Variants in APOB observed in about 807,000 individuals in gnomAD.
APOB encodes the protein apolipoprotein B.
Under a neutral mutation model 314.1 loss-of-function variants are expected in APOB, and 153 were observed. The ratio of observed to expected loss-of-function variants is 0.49; its 90% CI spans 0.43 to 0.56. The LOEUF is 0.56. Ranked by LOEUF, APOB falls within the 20% of genes least tolerant of loss-of-function variation. The pLI is 0.00. For synonymous variants in APOB, 2,087 were observed against 2,036.4 expected (o/e 1.02, Z -0.67); for missense variants, 5,430 against 5,350.7 (o/e 1.01, Z -0.46).
At chr2:21,041,554 A>G (rs923608544) in intron 3 of APOB, among the ~76,000 whole-genome samples, 1 of 152,232 alleles carries the variant, frequency 6.6e-6, no homozygotes, top group Non-Finnish European at 1.5e-5. Context: ...ATATAGCTGG[A>G]GTTTCAACGG....
chr2:21,019,660 A>G, intron 19 of APOB, 63 bp downstream of exon 19: 3 of 1,528,862 alleles, frequency 2.0e-6, no homozygotes, highest in Non-Finnish European at 1.8e-6. Flanking sequence ...TTCCTGTGCC[A>G]TGCTAGGTGG....
At position 21,007,530 on chromosome 2, in the gene APOB, G is replaced by C; in HGVS notation, c.9338C>G (p.Ala3113Gly). 6.2e-7 allele frequency: 1 copy of C among 1,614,016 alleles called. No individual in the cohort carries two copies. ...TGCTTCTCCATTTATTCCTACATGG[G>C]CCTCCATAATGTTCTCGTTGTTTCC... ...SAGNNENIMEAHVGINGEANL... is the reference protein window; with the variant it reads ...SAGNNENIMEGHVGINGEANL... Residue 3113 changes from alanine to glycine, a missense_variant, in exon 26 of 29, where the codon GCC (alanine) becomes GGC (glycine). Coordinates refer to ENST00000233242, the MANE Select transcript of APOB (RefSeq NM_000384.3).
intron 15 of APOB, among the ~76,000 whole-genome samples, chr2:21,025,478 G>A (rs116255207): frequency 1.2e-3 from 183 of 152,272 alleles, no homozygotes; most frequent in African/African-American, 4.3e-3. Flanking sequence ...TCTTTGACCA[G>A]TGAAGACTAC....
At position 21,001,936 on chromosome 2, in the gene APOB, T is replaced by C. The variant is rs781520074; in HGVS notation, c.13486A>G (p.Arg4496Gly). The change falls in exon 29 of 29, where the codon AGA becomes GGA. Residue 4496 changes from arginine (R) to glycine (G), a missense_variant. Arg to Gly is a moderately radical substitution (Grantham distance 125). Coordinates refer to ENST00000233242, the MANE Select transcript of APOB (RefSeq NM_000384.3). ...TCTGAAAAATCTTGCAGTTTATATC[T>C]AAACTGCTGGTGGTAATCAGAAATT... ...KIISDYHQQF[R>G]YKLQDFSDQL... is the part of the protein sequence containing the mutation. The C allele has an allele frequency of 1.2e-6, 2 of 1,614,068 alleles. No individual in the cohort carries two copies. Among genetic ancestry groups the C allele is most frequent in the East Asian group, 4.5e-5 (2 of 44,874 alleles).
rs758838678 is a variant in APOB at position 21,035,681 on chromosome 2, T to A, written c.721A>T (p.Ser241Cys). ...MTRPLSTLIS[S>C]SQSCQYTLDA... ...AGTGTGTACTGACAGGACTGGCTGC[T>A]GCTGATCAGAGTTGACAAGGGGCGG... Residue 241 changes from serine to cysteine, a missense_variant, in exon 7 of 29, where the codon AGC becomes TGC. By Grantham distance (112) the Ser-to-Cys change is moderately radical. Transcript: ENST00000233242. 9.3e-6 allele frequency: 15 copies of A among 1,613,996 alleles called. No individual in the cohort carries two copies. In the Admixed American group the frequency reaches 1.3e-4, roughly 14 times the overall value.
intron 18 of APOB, among the ~76,000 whole-genome samples, chr2:21,021,979 A>G (rs1663617313): frequency 6.6e-6 from 1 of 152,194 alleles, no homozygotes; most frequent in African/African-American, 2.4e-5. Context: ...TTTGTGAGAC[A>G]GGATCTTGCT....
rs1182447566 is a variant in APOB, at chr2:21,010,916, C to G, written c.5952G>C (p.Lys1984Asn). ...PAEQTGTWKL[K>N]TQFNNNEYSQ... ...TGTATTCATTGTTGTTAAATTGGGT[C>G]TTGAGTTTCCAGGTGCCTGTCTGCT... The change falls in exon 26 of 29, where the codon AAG becomes AAC. Residue 1984 changes from lysine (K) to asparagine (N), a missense_variant. Coordinates refer to ENST00000233242, the MANE Select transcript of APOB (RefSeq NM_000384.3). 1 of 1,614,058 alleles carries G rather than the reference C, an allele frequency of 6.2e-7. No homozygotes were observed. Among genetic ancestry groups the G allele is most frequent in the East Asian group, 2.2e-5 (1 of 44,878 alleles).
rs12713600 is a variant in APOB at position 21,007,864 on chromosome 2, G to A, written c.9004C>T (p.Leu3002=). 5,288 of 1,614,000 alleles carry A rather than the reference G, an allele frequency of 3.3e-3. 149 individuals are homozygous for A. In the African/African-American group the frequency reaches 0.063, roughly 19 times the overall value. ...AACAGTGCCATGCCTTTAGCAGTTA[G>A]AACACTGTGGCCCACATGCTGGGAA... The part of the protein sequence containing the change: ...VDSQHVGHSV[L]TAKGMALFGE... Residue 3002 remains leucine (L), a synonymous_variant, in exon 26 of 29, where the codon CTA becomes TTA. Transcript: ENST00000233242.
intron 25 of APOB, 96 bp downstream of exon 25, chr2:21,013,059 ATCTGC>A: frequency 7.1e-7 from 1 of 1,412,186 alleles, no homozygotes; most frequent in Non-Finnish European, 9.9e-7. Context: ...AAGGAAGATT[ATCTGC>A]TAGAAAGCCA....
intron 18 of APOB, among the ~76,000 whole-genome samples, chr2:21,020,312 T>C (rs1431232161): frequency 6.6e-6 from 1 of 152,222 alleles, no homozygotes; most frequent in African/African-American, 2.4e-5. Context: ...TCCTTCCACC[T>C]GCATTAAGCA....
rs758266841 is a variant in APOB at position 21,002,874 on chromosome 2, T to C, written c.12548A>G (p.His4183Arg). 12 of 1,613,678 alleles carry C rather than the reference T, an allele frequency of 7.4e-6. No homozygotes were observed. Among genetic ancestry groups the C allele is most frequent in the Admixed American group, 1.7e-5 (1 of 59,966 alleles). ...GTCAATCAGATGCTTGACTTTCATA[T>C]GGAATTCTTGAGTAACTCGTACCAA... ...DGLVRVTQEF[H>R]MKVKHLIDSL... The change falls in exon 29 of 29, where the codon CAT (histidine) becomes CGT (arginine). Residue 4183 changes from histidine (H) to arginine (R), a missense_variant. Physicochemically the swap from His to Arg is conservative, Grantham distance 29 (BLOSUM62 0). Around this residue, in one of 3 missense-constraint regions of APOB, gnomAD observed 3,281 missense variants for 3,171.0 expected, o/e 1.03. Transcript: ENST00000233242.
chr2:21,004,276 C>T lies in APOB; in HGVS notation c.12080G>A (p.Ser4027Asn). The T allele has an allele frequency of 6.2e-7, 1 of 1,613,898 alleles. No individual in the cohort carries two copies. ...DDFSKWNFYYSPQSSPDKKLT... is the reference protein window; with the variant it reads ...DDFSKWNFYYNPQSSPDKKLT... ...TCATTAGGTGGTATTTACCTGAGGGCTGTAGTAGAAGTTCCATTTAGAAAA... is the reference window on the plus strand; with the variant it reads ...TCATTAGGTGGTATTTACCTGAGGGTTGTAGTAGAAGTTCCATTTAGAAAA... Residue 4027 changes from serine (S) to asparagine (N), a missense_variant, in exon 28 of 29, where the codon AGC becomes AAC. Ser to Asn is a conservative substitution (Grantham distance 46, BLOSUM62 1). Coordinates refer to ENST00000233242, the MANE Select transcript of APOB (RefSeq NM_000384.3).
At position 21,010,749 on chromosome 2, in the gene APOB, A is replaced by G. The variant is rs1327881782; in HGVS notation, c.6119T>C (p.Leu2040Ser). 1.2e-6 allele frequency: 2 copies of G among 1,614,022 alleles called. No homozygotes were observed. The highest frequency in any genetic ancestry group is 1.7e-6 in the Non-Finnish European group (2 of 1,180,002). Residue 2040 changes from leucine to serine, a missense_variant, in exon 26 of 29, where the codon TTA becomes TCA. Around this residue, in one of 3 missense-constraint regions of APOB, gnomAD observed 3,281 missense variants for 3,171.0 expected, o/e 1.03. Transcript: ENST00000233242. ...LSEPINIIDA[L>S]EMRDAVEKPQ... is the part of the protein sequence containing the mutation. ...CTTCTCAACGGCATCTCTCATCTCT[A>G]AAGCATCAATGATATTGATGGGCTC...
At chr2:21,018,858 T>C in intron 20 of APOB, 134 bp downstream of exon 20, 1 of 1,325,318 alleles carries the variant, frequency 7.5e-7, no homozygotes, top group South Asian at 1.2e-5. Flanking sequence ...ACCCAGGTCT[T>C]AGAATAGGCC....
intron 20 of APOB, among the ~76,000 whole-genome samples, chr2:21,017,140 T>A (rs1456180112): frequency 9.1e-6 from 1 of 109,368 alleles, no homozygotes; most frequent in African/African-American, 2.9e-5. Flanking sequence ...TTTTACTGAA[T>A]TTTTTTTTTC....
chr2:21,019,325 A>G (rs1411602876), intron 19 of APOB, among the ~76,000 whole-genome samples: 1 of 152,108 alleles, frequency 6.6e-6, no homozygotes, highest in African/African-American at 2.4e-5. Context: ...ACTTTGGACA[A>G]GCAGAGCAGG....
rs141763789 is a variant in APOB, at chr2:21,015,371, A to G, written c.3507T>C (p.Tyr1169=). 2.3e-4 allele frequency: 370 copies of G among 1,614,176 alleles called. 1 individual carries two copies. Among genetic ancestry groups the G allele is most frequent in the Non-Finnish European group, 2.8e-4 (336 of 1,180,008 alleles). Residue 1169 remains tyrosine (Y), a splice_region_variant and synonymous_variant, in exon 22 of 29, where the codon TAT becomes TAC. Coordinates refer to ENST00000233242, the MANE Select transcript of APOB (RefSeq NM_000384.3). ...TCACACAGGGGAAGAGACACATACC[A>G]TAATGCCATGCCACCCTCTTGGAAA... ...STVSKRVAWH[Y]DEEKIEFEWN... is the part of the protein sequence containing the mutation.
chr2:21,021,605 A>G (rs1239264030), intron 18 of APOB, among the ~76,000 whole-genome samples: 2 of 152,046 alleles, frequency 1.3e-5, no homozygotes, highest in Non-Finnish European at 1.5e-5. Flanking sequence ...TGAGCCCCTT[A>G]CCATTCTGCA....
At position 21,005,185 on chromosome 2, in the gene APOB, T is replaced by G. The variant is rs2103350346; in HGVS notation, c.11683A>C (p.Asn3895His). The G allele has an allele frequency of 6.2e-7, 1 of 1,614,078 alleles. No individual in the cohort carries two copies. The highest frequency in any genetic ancestry group is 8.5e-7 in the Non-Finnish European group (1 of 1,179,946). ...ARFEVDSPVY[N>H]ATWSASLKNK... ...TTCAAACTGGCACTCCAAGTGGCAT[T>G]ATACACGGGAGAGTCTACCTCAAAG... The change falls in exon 26 of 29, where the codon AAT (asparagine) becomes CAT (histidine). Residue 3895 changes from asparagine (N) to histidine (H), a missense_variant. Around this residue, in one of 3 missense-constraint regions of APOB, gnomAD observed 3,281 missense variants for 3,171.0 expected, o/e 1.03. Coordinates refer to ENST00000233242, the MANE Select transcript of APOB (RefSeq NM_000384.3).
Sources: allele counts gnomAD v4.1 joint callset (sites outside exome capture counted in the v4.1 genomes callset), GRCh38; gene constraint gnomAD v4.1.1; regional missense constraint gnomAD v4.1.1; transcripts MANE v1.5; gene names NCBI Gene and HGNC (gene_info 2026-07-23, HGNC 2026-07-21).